TDRP: variants seen among roughly 807,000 people sequenced by gnomAD.
The protein encoded by TDRP is testis development-related protein.
A neutral mutation model predicts 10.5 loss-of-function variants in TDRP; 12 were observed. The ratio of observed to expected loss-of-function variants is 1.15; its 90% CI spans 0.73 to 1.86. TDRP has a LOEUF of 1.86. Ranked by LOEUF, TDRP falls within the 40% of genes most tolerant of loss-of-function variation. The probability of loss-of-function intolerance (pLI) is 0.00; values close to 1 mark genes in which losing one functional copy is unlikely to be tolerated. For synonymous variants in TDRP, 139 were observed against 95.4 expected (o/e 1.46, Z -2.67); for missense variants, 353 against 229.2 (o/e 1.54, Z -3.49).
chr8:532,798 G>A (rs1802241130), intron 1 of TDRP, among the ~76,000 whole-genome samples: 1 of 152,116 alleles, frequency 6.6e-6, no homozygotes, highest in Non-Finnish European at 1.5e-5. Flanking sequence ...GCAAATAACG[G>A]CCTGTGTTTG....
intron 1 of TDRP, among the ~76,000 whole-genome samples, chr8:524,882 A>AG (rs1801998241): frequency 1.3e-5 from 2 of 151,894 alleles, no homozygotes; most frequent in Non-Finnish European, 2.9e-5. Flanking sequence ...ACGAGAGAGA[A>AG]GGGTAGAAAG....
At chr8:512,547 A>G (rs1231125343) in intron 1 of TDRP, among the ~76,000 whole-genome samples, 1 of 152,222 alleles carries the variant, frequency 6.6e-6, no homozygotes, top group Non-Finnish European at 1.5e-5. Context: ...TTGACCTTAT[A>G]TAAATCAAGA....
chr8:491,844 T>C lies in TDRP; in HGVS notation c.*555A>G. 8.1e-7 allele frequency: 1 copy of C among 1,228,176 alleles called. No individual in the cohort carries two copies. Among genetic ancestry groups the C allele is most frequent in the Non-Finnish European group, 1.0e-6 (1 of 984,850 alleles). 76.1% of individuals were successfully genotyped at this position (1,228,176 alleles called of 1,614,324 possible). On this transcript the variant is annotated 3_prime_UTR_variant, in exon 3 of 3. Transcript: ENST00000324079. ...ACATGCATTTTAAGATACATTTTAC[T>C]CCCAAATATAAGCTTTGCTTTTCCA... is the stretch of plus-strand genomic sequence containing the variant.
intron 1 of TDRP, among the ~76,000 whole-genome samples, chr8:543,900 A>G: frequency 7.4e-6 from 1 of 135,904 alleles, no homozygotes; most frequent in South Asian, 2.8e-4. Flanking sequence ...ATTGTACATG[A>G]AAAAGAGCAC....
In TDRP at chr8:538,828, A is replaced by G. The variant is rs377617256; in HGVS notation, c.108+5822T>C. ...ACATTAAGATGCAACTTTTCCCCCC[A>G]TCAGATCTAAAATCTTGAAGACATG... On this transcript the variant is annotated intron_variant, in intron 1 of 2. Coordinates refer to ENST00000324079, the MANE Select transcript of TDRP (RefSeq NM_001384899.1). Among the ~76,000 whole-genome samples the G allele has an allele frequency of 1.8e-4, 27 of 152,374 alleles. No homozygotes were observed. In the East Asian group the frequency reaches 4.8e-3, roughly 27 times the overall value.
chr8:540,913 C>G (rs1437470252), intron 1 of TDRP, among the ~76,000 whole-genome samples: 2 of 151,762 alleles, frequency 1.3e-5, no homozygotes, highest in African/African-American at 4.8e-5. Flanking sequence ...AGAATGTGCT[C>G]TCAACCTGCA....
At chr8:514,854 G>C (rs1256180256) in intron 1 of TDRP, among the ~76,000 whole-genome samples, 5 of 152,052 alleles carry the variant, frequency 3.3e-5, no homozygotes, top group Non-Finnish European at 7.4e-5. Context: ...CCAAGGAATG[G>C]CACCAACAGG....
chr8:519,797 T>G (rs536935745), intron 1 of TDRP, among the ~76,000 whole-genome samples: 1 of 152,326 alleles, frequency 6.6e-6, no homozygotes, highest in Admixed American at 6.5e-5. Context: ...CGAGGCATTG[T>G]CAAGTGGTAT....
In TDRP at chr8:492,598, G is replaced by A. The variant is rs539618506; in HGVS notation, c.359C>T (p.Ser120Leu). 5.6e-5 allele frequency: 90 copies of A among 1,613,898 alleles called. No homozygotes were observed. Among genetic ancestry groups the A allele is most frequent in the East Asian group, 2.7e-4 (12 of 44,870 alleles). The change falls in exon 3 of 3, where the codon TCG becomes TTG. Residue 120 changes from serine (S) to leucine (L), a missense_variant. Coordinates refer to ENST00000324079, the MANE Select transcript of TDRP (RefSeq NM_001384899.1). ...ACCCACGGTGTCCTCAGGGTCAGCC[G>A]ATATGTCTTCAAGAGCAAGTTTTGG... ...EPPKLALEDI[S>L]ADPEDTVGGH...
chr8:515,899 A>C (rs1015472172), intron 1 of TDRP, among the ~76,000 whole-genome samples: 3 of 152,190 alleles, frequency 2.0e-5, no homozygotes, highest in African/African-American at 7.2e-5. Flanking sequence ...CCTAACAAAA[A>C]ATGGCTGAAT....
At chr8:525,883 G>C (rs1358299507) in intron 1 of TDRP, among the ~76,000 whole-genome samples, 3 of 152,138 alleles carry the variant, frequency 2.0e-5, no homozygotes, top group African/African-American at 7.2e-5. Context: ...ATTGCTATTA[G>C]TATTTCTTTA....
intron 1 of TDRP, among the ~76,000 whole-genome samples, chr8:535,032 G>A (rs973982106): frequency 4.6e-5 from 7 of 152,238 alleles, no homozygotes; most frequent in South Asian, 4.2e-4. Flanking sequence ...AAAAGGACTC[G>A]TTATCTTTCA....
chr8:501,567 G>A (rs576868277), intron 1 of TDRP, among the ~76,000 whole-genome samples: 3 of 152,020 alleles, frequency 2.0e-5, no homozygotes, highest in Admixed American at 6.6e-5. Context: ...GGCTGGTCTC[G>A]AACTCCTGCC....
intron 1 of TDRP, among the ~76,000 whole-genome samples, chr8:498,017 G>C (rs112126141): frequency 6.6e-6 from 1 of 152,162 alleles, no homozygotes; most frequent in Non-Finnish European, 1.5e-5. Flanking sequence ...GAAATGGCTG[G>C]ACATCCAAGC....
intron 1 of TDRP, among the ~76,000 whole-genome samples, chr8:533,670 A>C (rs1802268435): frequency 1.3e-5 from 2 of 152,210 alleles, no homozygotes; most frequent in Admixed American, 1.3e-4. Flanking sequence ...TAAGAAATGA[A>C]GCCTCCACTC....
At chr8:500,841 T>C (rs904582292) in intron 1 of TDRP, among the ~76,000 whole-genome samples, 1 of 152,090 alleles carries the variant, frequency 6.6e-6, no homozygotes, top group Non-Finnish European at 1.5e-5. Context: ...ACCAACCCAG[T>C]AATGTGGGCA....
chr8:533,732 A>G (rs2116862304), intron 1 of TDRP, among the ~76,000 whole-genome samples: 1 of 152,260 alleles, frequency 6.6e-6, no homozygotes, highest in East Asian at 1.9e-4. Flanking sequence ...GTGTCAGTTC[A>G]ACTGCTTCAT....
Position 494,517 on chromosome 8 carries a change from T to C in TDRP, c.189A>G (p.Arg63=). The C allele has an allele frequency of 6.2e-7, 1 of 1,613,954 alleles. No individual in the cohort carries two copies. Among genetic ancestry groups the C allele is most frequent in the Non-Finnish European group, 8.5e-7 (1 of 1,179,856 alleles). ...ACCCTTTGGACTTGGGAGATTTACA[T>C]CTTTCCAGGAGATGCTGCTCATCAT... ...NKDDEQHLLE[R]CKSPKSKGTN... Residue 63 remains arginine (R), a synonymous_variant, in exon 2 of 3, where the codon AGA becomes AGG. Coordinates refer to ENST00000324079, the MANE Select transcript of TDRP (RefSeq NM_001384899.1).
chr8:535,999 C>T (rs1325977422), intron 1 of TDRP, among the ~76,000 whole-genome samples: 2 of 152,192 alleles, frequency 1.3e-5, no homozygotes, highest in African/African-American at 4.8e-5. Context: ...AGCTTTTAGA[C>T]ATTCTAAGTC....
Sources: allele counts gnomAD v4.1 joint callset (sites outside exome capture counted in the v4.1 genomes callset), GRCh38; gene constraint gnomAD v4.1.1; transcripts MANE v1.5; gene names NCBI Gene and HGNC (gene_info 2026-07-23, HGNC 2026-07-21).